GFRA1: variants seen among roughly 807,000 people sequenced by gnomAD.
The protein encoded by GFRA1 is GDNF family receptor alpha-1.
In GFRA1, 16 loss-of-function variants were observed where a neutral mutation model predicts 51.6. The ratio of observed to expected loss-of-function variants is 0.31; its 90% CI spans 0.21 to 0.47. GFRA1 has a LOEUF of 0.47. Among genes scored for constraint, GFRA1 ranks in the 20% least tolerant of loss-of-function variants. The pLI, the probability that GFRA1 is intolerant of heterozygous loss-of-function variation, is 1.00. For synonymous variants in GFRA1, 270 were observed against 241.3 expected, an observed-to-expected ratio of 1.12 and a Z score of -1.10; for missense variants, 530 against 594.3, an observed-to-expected ratio of 0.89 and a Z score of 1.13.
At chr10:116,193,539 G>A (rs1329666134) in intron 5 of GFRA1, among the ~76,000 whole-genome samples, 1 of 152,148 alleles carries the variant, frequency 6.6e-6, no homozygotes, top group Non-Finnish European at 1.5e-5. Flanking sequence ...TTCTGATGTA[G>A]CCAGCAGAGA....
intron 5 of GFRA1, among the ~76,000 whole-genome samples, chr10:116,129,471 T>A (rs1958015181): frequency 6.6e-6 from 1 of 152,134 alleles, no homozygotes; most frequent in African/African-American, 2.4e-5. Flanking sequence ...ATTTCAATAC[T>A]CATCCATGAT....
intron 5 of GFRA1, among the ~76,000 whole-genome samples, chr10:116,181,972 GGAAA>G (rs562531363): frequency 9.8e-5 from 15 of 152,290 alleles, no homozygotes; most frequent in East Asian, 9.7e-4. Flanking sequence ...GAGTAAAAAT[GGAAA>G]GAAACTCAGC....
intron 6 of GFRA1, among the ~76,000 whole-genome samples, chr10:116,116,750 G>C (rs1265177079): frequency 6.6e-6 from 1 of 152,236 alleles, no homozygotes; most frequent in African/African-American, 2.4e-5. Flanking sequence ...AGCAACGAGT[G>C]TTCAAAAGGA....
intron 6 of GFRA1, among the ~76,000 whole-genome samples, chr10:116,099,853 G>A (rs1956748223): frequency 6.6e-6 from 1 of 152,228 alleles, no homozygotes; most frequent in African/African-American, 2.4e-5. Context: ...TAGCATGAAT[G>A]AAGTGTTCAG....
At chr10:116,109,046 T>G (rs1290553233) in intron 6 of GFRA1, among the ~76,000 whole-genome samples, 1 of 152,202 alleles carries the variant, frequency 6.6e-6, no homozygotes, top group East Asian at 1.9e-4. Flanking sequence ...ATGCTCCAAC[T>G]ACATTCACAT....
At chr10:116,226,709 T>C (rs961268101) in intron 4 of GFRA1, 1 of 318,056 alleles carries the variant, frequency 3.1e-6, no homozygotes, top group East Asian at 8.3e-5. Flanking sequence ...TACATTGTAA[T>C]ATATAATGAA....
At chr10:116,148,178 C>T (rs11197549) in intron 5 of GFRA1, among the ~76,000 whole-genome samples, 92,069 of 149,480 alleles carry the variant, frequency 0.62, 28,767 homozygotes, top group Middle Eastern at 0.71. Flanking sequence ...CTTCCGGTTT[C>T]ACCTTACAAC....
At chr10:116,219,044 AC>A (rs1305826698) in intron 4 of GFRA1, among the ~76,000 whole-genome samples, 1 of 152,080 alleles carries the variant, frequency 6.6e-6, no homozygotes, top group Non-Finnish European at 1.5e-5. Flanking sequence ...TCTTCCTGCT[AC>A]ATTTACTAGG....
intron 4 of GFRA1, among the ~76,000 whole-genome samples, chr10:116,262,076 G>A (rs183747966): frequency 6.6e-6 from 1 of 152,290 alleles, no homozygotes; most frequent in Non-Finnish European, 1.5e-5. Context: ...GAAAGAACAA[G>A]CTTCGACAGC....
Position 116,093,706 on chromosome 10 carries a change from ACATG to A in GFRA1, c.1007_1010del (p.Thr336IlefsTer15). The A allele has an allele frequency of 6.2e-7, 1 of 1,613,806 alleles. No homozygotes were observed. The highest frequency in any genetic ancestry group is 8.5e-7 in the Non-Finnish European group (1 of 1,179,694). ...TCTTATTTTTTACAAACTCACTAAGACATGTATTGTCCTTGAAGAAATTCAAAAA... is the reference window on the plus strand; with the variant it reads ...TCTTATTTTTTACAAACTCACTAAGATATTGTCCTTGAAGAAATTCAAAAA... On this transcript the variant is annotated frameshift_variant, in exon 8 of 11. Coordinates refer to ENST00000355422, the MANE Select transcript of GFRA1 (RefSeq NM_005264.8). LOFTEE classifies it high-confidence loss of function.
intron 5 of GFRA1, among the ~76,000 whole-genome samples, chr10:116,129,657 A>G (rs1958023168): frequency 6.6e-6 from 1 of 152,106 alleles, no homozygotes; most frequent in Non-Finnish European, 1.5e-5. Context: ...ATACATCTCT[A>G]AAGAATCTAC....
At chr10:116,225,372 T>C (rs1296516476) in intron 4 of GFRA1, among the ~76,000 whole-genome samples, 1 of 151,354 alleles carries the variant, frequency 6.6e-6, no homozygotes, top group Non-Finnish European at 1.5e-5. Flanking sequence ...CTGTCTCTAC[T>C]AAAAACACAA....
At chr10:116,101,857 C>T (rs372669488) in intron 6 of GFRA1, among the ~76,000 whole-genome samples, 1 of 152,136 alleles carries the variant, frequency 6.6e-6, no homozygotes, top group Admixed American at 6.5e-5. Flanking sequence ...TTCCTGAGTG[C>T]GTTGCTTCAT....
chr10:116,151,669 G>T (rs1391452639), intron 5 of GFRA1, among the ~76,000 whole-genome samples: 1 of 152,150 alleles, frequency 6.6e-6, no homozygotes, highest in Non-Finnish European at 1.5e-5. Flanking sequence ...ACCAGGAACT[G>T]ATGGTTACCA....
chr10:116,118,447 C>T (rs963011007), intron 6 of GFRA1, among the ~76,000 whole-genome samples: 4 of 152,180 alleles, frequency 2.6e-5, no homozygotes, highest in Non-Finnish European at 5.9e-5. Flanking sequence ...CCTCTGACGC[C>T]ATGACAGTCC....
At chr10:116,207,896 C>A (rs561015799) in intron 5 of GFRA1, among the ~76,000 whole-genome samples, 1 of 152,196 alleles carries the variant, frequency 6.6e-6, no homozygotes, top group African/African-American at 2.4e-5. Flanking sequence ...TGAAGCACGG[C>A]AGTTAGAGCC....
chr10:116,183,490 G>A (rs1962423286), intron 5 of GFRA1, among the ~76,000 whole-genome samples: 1 of 152,156 alleles, frequency 6.6e-6, no homozygotes, highest in African/African-American at 2.4e-5. Flanking sequence ...TGTGAAACCT[G>A]GTTGGCCTGA....
intron 9 of GFRA1, among the ~76,000 whole-genome samples, chr10:116,081,649 C>T (rs1053244062): frequency 6.6e-6 from 1 of 152,066 alleles, no homozygotes; most frequent in Non-Finnish European, 1.5e-5. Context: ...GGAGGCACTG[C>T]GTATGCATTT....
chr10:116,111,459 T>C (rs1328170305), intron 6 of GFRA1, among the ~76,000 whole-genome samples: 10 of 152,318 alleles, frequency 6.6e-5, no homozygotes. Flanking sequence ...TAATGCAGCA[T>C]GGAAGCTTTC....
Sources: allele counts gnomAD v4.1 joint callset (sites outside exome capture counted in the v4.1 genomes callset), GRCh38; gene constraint gnomAD v4.1.1; transcripts MANE v1.5; gene names NCBI Gene and HGNC (gene_info 2026-07-23, HGNC 2026-07-21).